DNAJC18: variants seen among roughly 807,000 people sequenced by gnomAD.
The protein encoded by DNAJC18 is DnaJ heat shock protein family (Hsp40) member C18, also known as dnaJ homolog subfamily C member 18.
A neutral mutation model predicts 48.6 loss-of-function variants in DNAJC18; 40 were observed. The ratio of observed to expected loss-of-function variants is 0.82; its 90% CI spans 0.64 to 1.07. The LOEUF (loss-of-function observed/expected upper bound fraction) is 1.07. Among genes scored for constraint, DNAJC18 ranks in the 50% least tolerant of loss-of-function variants. The pLI is 0.00. For missense variants in DNAJC18, 340 were observed against 427.7 expected (o/e 0.79, Z 1.81); for synonymous variants, 135 against 152.2 (o/e 0.89, Z 0.83).
intron 6 of DNAJC18, among the ~76,000 whole-genome samples, chr5:139,422,023 G>A (rs1205882420): frequency 6.6e-6 from 1 of 151,918 alleles, no homozygotes; most frequent in Non-Finnish European, 1.5e-5. Flanking sequence ...TCAAACTTCA[G>A]TGTGGACCAG....
At chr5:139,433,951 G>A (rs1443013493) in intron 2 of DNAJC18, among the ~76,000 whole-genome samples, 1 of 151,960 alleles carries the variant, frequency 6.6e-6, no homozygotes, top group Non-Finnish European at 1.5e-5. Context: ...GAGTGCAATG[G>A]CACAATCACA....
chr5:139,425,907 A>G (rs1397896148), intron 4 of DNAJC18, among the ~76,000 whole-genome samples: 2 of 152,222 alleles, frequency 1.3e-5, no homozygotes, highest in Non-Finnish European at 2.9e-5. Context: ...AAAAATATCT[A>G]ATCCTCACAG....
At chr5:139,435,705 G>GATTTTTTTTTTTTTT (rs1750627891) in intron 2 of DNAJC18, among the ~76,000 whole-genome samples, 1 of 41,194 alleles carries the variant, frequency 2.4e-5, no homozygotes, top group African/African-American at 1.1e-4. Context: ...TTCATTGGAA[G>GATTTTTTTTTTTTTT]TTTTTTTTTT....
Position 139,413,957 on chromosome 5 carries a change from C to T in DNAJC18, c.*191G>A, listed in dbSNP as rs1759032650. ...ATGAACTACTCCTGGTCCCTGGAGC[C>T]ACTCCCCAGGAAGGATCCTGTGAAG... On this transcript the variant is annotated 3_prime_UTR_variant, in exon 8 of 8. Coordinates refer to ENST00000302060, the MANE Select transcript of DNAJC18 (RefSeq NM_152686.4). 1.4e-6 allele frequency: 1 copy of T among 732,592 alleles called. No individual in the cohort carries two copies. The highest frequency in any genetic ancestry group is 2.1e-6 in the Non-Finnish European group (1 of 473,558). The allele number at this position is 732,592 out of a possible 1,614,324, so 45.4% of individuals were successfully genotyped here. A position where few individuals can be genotyped will look rare whatever the true frequency, so the allele number is the denominator to read the frequency against.
At chr5:139,430,917 T>C (rs1239193684) in intron 2 of DNAJC18, among the ~76,000 whole-genome samples, 1 of 152,214 alleles carries the variant, frequency 6.6e-6, no homozygotes, top group Non-Finnish European at 1.5e-5. Context: ...TGTATCAATG[T>C]ATAATATATA....
chr5:139,419,616 C>T (rs780791286), intron 7 of DNAJC18, among the ~76,000 whole-genome samples: 10 of 152,140 alleles, frequency 6.6e-5, no homozygotes, highest in African/African-American at 2.4e-4. Context: ...AACTTACAGA[C>T]GTGTGTGCTG....
chr5:139,414,904 T>A (rs1261946842), intron 7 of DNAJC18, among the ~76,000 whole-genome samples: 1 of 152,242 alleles, frequency 6.6e-6, no homozygotes, highest in Non-Finnish European at 1.5e-5. Context: ...CATTTTCTCT[T>A]TATGGTGGAG....
chr5:139,433,518 A>T (rs1759364136), intron 2 of DNAJC18, among the ~76,000 whole-genome samples: 1 of 152,132 alleles, frequency 6.6e-6, no homozygotes, highest in Non-Finnish European at 1.5e-5. Context: ...TACTCAAGAG[A>T]CAAACTGCTC....
chr5:139,429,130 C>T (rs1043343007), intron 2 of DNAJC18, among the ~76,000 whole-genome samples: 6 of 130,660 alleles, frequency 4.6e-5, no homozygotes, highest in Non-Finnish European at 9.2e-5. Context: ...GTTGCCTGGG[C>T]TGGAGTGCAA....
chr5:139,439,262 ACC>A lies in DNAJC18; in HGVS notation c.40+142_40+143del. 1 of 1,364,306 alleles carries A rather than the reference ACC, an allele frequency of 7.3e-7. No individual in the cohort carries two copies. The highest frequency in any genetic ancestry group is 1.4e-5 in the African/African-American group (1 of 69,452). The allele number at this position is 1,364,306 out of a possible 1,614,324, so 84.5% of individuals were successfully genotyped here. A position where few individuals can be genotyped will look rare whatever the true frequency, so the allele number is the denominator to read the frequency against. Reference sequence around the variant, plus strand: ...CCCCAGCTTCCCTACCCCATCCGCAACCCTACTCAGGCTCAGCATCTTTTCAC... The same window carrying A: ...CCCCAGCTTCCCTACCCCATCCGCAACTACTCAGGCTCAGCATCTTTTCAC... On this transcript the variant is annotated intron_variant, in intron 1 of 7. Transcript: ENST00000302060. The surrounding 1 kb of genome is among the most constrained non-coding windows in gnomAD (Gnocchi z 4.1).
chr5:139,425,515 G>C (rs1163113346), intron 4 of DNAJC18, among the ~76,000 whole-genome samples: 1 of 152,220 alleles, frequency 6.6e-6, no homozygotes, highest in African/African-American at 2.4e-5. Context: ...GTTAAGGATA[G>C]AGTATTGGCC....
chr5:139,432,510 A>C (rs868102606), intron 2 of DNAJC18, among the ~76,000 whole-genome samples: 8 of 152,162 alleles, frequency 5.3e-5, no homozygotes, highest in African/African-American at 1.2e-4. Context: ...CCTGTCACCC[A>C]GGCTGGAGTG....
At position 139,414,039 on chromosome 5, in the gene DNAJC18, C is replaced by T; in HGVS notation, c.*109G>A. On this transcript the variant is annotated 3_prime_UTR_variant, in exon 8 of 8. Coordinates refer to ENST00000302060, the MANE Select transcript of DNAJC18 (RefSeq NM_152686.4). ...CACTCTGCCCAACCAACGAAGTTAGCAAATAGTAAAGTGTTCATCATTACC... is the reference window on the plus strand; with the variant it reads ...CACTCTGCCCAACCAACGAAGTTAGTAAATAGTAAAGTGTTCATCATTACC... 1 of 1,466,976 alleles carries T rather than the reference C, an allele frequency of 6.8e-7. No individual in the cohort carries two copies. Among genetic ancestry groups the T allele is most frequent in the Non-Finnish European group, 9.1e-7 (1 of 1,104,836 alleles). 90.9% of individuals were successfully genotyped at this position (1,466,976 alleles called of 1,614,324 possible).
Position 139,411,713 on chromosome 5 carries a change from C to T in DNAJC18, c.*2435G>A, listed in dbSNP as rs142963369. ...CGGTGCTATAAAAACAGACAATCAG[C>T]GTGACATTTAATGGAGTTAGTTATT... On this transcript the variant is annotated 3_prime_UTR_variant, in exon 8 of 8. Coordinates refer to ENST00000302060, the MANE Select transcript of DNAJC18 (RefSeq NM_152686.4). 2.6e-5 allele frequency: 4 copies of T among 152,272 alleles called. No homozygotes were observed. The highest frequency in any genetic ancestry group is 5.9e-5 in the Non-Finnish European group (4 of 68,020). The allele number at this position is 152,272 out of a possible 1,614,324, so 9.4% of individuals were successfully genotyped here.
chr5:139,426,033 C>T, intron 4 of DNAJC18, 139 bp downstream of exon 4: 8 of 983,228 alleles, frequency 8.1e-6, no homozygotes, highest in Non-Finnish European at 1.2e-5. Flanking sequence ...AGACTTGCCT[C>T]AAACTCCTGC....
intron 2 of DNAJC18, among the ~76,000 whole-genome samples, chr5:139,434,626 C>T (rs1349837089): frequency 3.3e-5 from 5 of 152,162 alleles, no homozygotes; most frequent in Admixed American, 2.0e-4. Flanking sequence ...CCAGCCTCAA[C>T]TATATTTTCT....
intron 4 of DNAJC18, among the ~76,000 whole-genome samples, chr5:139,425,610 T>A (rs1759223718): frequency 6.6e-6 from 1 of 152,180 alleles, no homozygotes; most frequent in Non-Finnish European, 1.5e-5. Flanking sequence ...CCTGACTTCA[T>A]TTAAATAGTC....
intron 6 of DNAJC18, among the ~76,000 whole-genome samples, chr5:139,421,491 C>A (rs979566019): frequency 6.6e-6 from 1 of 151,730 alleles, no homozygotes; most frequent in Non-Finnish European, 1.5e-5. Context: ...TCTCTTTCAG[C>A]CTCAGCTTCG....
intron 5 of DNAJC18, among the ~76,000 whole-genome samples, chr5:139,423,271 A>T (rs991785003): frequency 2.0e-5 from 3 of 152,228 alleles, no homozygotes; most frequent in Non-Finnish European, 2.9e-5. Flanking sequence ...TCAGCTGAGA[A>T]GTACAGGTTG....
Sources: allele counts gnomAD v4.1 joint callset (sites outside exome capture counted in the v4.1 genomes callset), GRCh38; gene constraint gnomAD v4.1.1; non-coding constraint Gnocchi (gnomAD v3.1); transcripts MANE v1.5; gene names NCBI Gene and HGNC (gene_info 2026-07-23, HGNC 2026-07-21).